Variants in KCNH1 observed in about 807,000 individuals in gnomAD.
The protein encoded by KCNH1 is potassium voltage-gated channel subfamily H member 1.
A neutral mutation model predicts 69.2 loss-of-function variants in KCNH1; 27 were observed. The ratio of observed to expected loss-of-function variants is 0.39; its 90% CI spans 0.29 to 0.54. The LOEUF is 0.54. KCNH1 is among the 20% of genes least tolerant of loss of function. KCNH1 has a pLI of 0.68. For synonymous variants in KCNH1, 456 were observed against 487.7 expected (o/e 0.93, Z 0.86); for missense variants, 798 against 1,261.6 (o/e 0.63, Z 5.57).
At chr1:210,729,043 A>G (rs943050576) in intron 10 of KCNH1, among the ~76,000 whole-genome samples, 2 of 152,230 alleles carry the variant, frequency 1.3e-5, no homozygotes, top group Non-Finnish European at 2.9e-5. Flanking sequence ...GTGGACTATA[A>G]TGTGGCTGAG....
chr1:211,019,592 T>C (rs1357868603), intron 5 of KCNH1, among the ~76,000 whole-genome samples: 1 of 152,222 alleles, frequency 6.6e-6, no homozygotes, highest in African/African-American at 2.4e-5. Context: ...CTTTGTTCTA[T>C]TAGCCAATTA....
At chr1:210,818,221 AT>A (rs1684858520) in intron 7 of KCNH1, among the ~76,000 whole-genome samples, 1 of 152,166 alleles carries the variant, frequency 6.6e-6, no homozygotes, top group African/African-American at 2.4e-5. Flanking sequence ...TTTATTCATG[AT>A]GATAAAAACT....
Position 210,684,100 on chromosome 1 carries a change from C to T in KCNH1, c.2151G>A (p.Glu717=), listed in dbSNP as rs775169571. ...FRKISDVKRE[E]EERMKRKNEA... is the part of the protein sequence containing the mutation. ...CATTCTTTCGTTTCATGCGTTCTTC[C>T]TCTTCACGTTTCACATCGCTGATCT... The change falls in exon 11 of 11, where the codon GAG becomes GAA. Residue 717 remains glutamate, a synonymous_variant. Transcript: ENST00000271751. 1 of 1,514,606 alleles carries T rather than the reference C, an allele frequency of 6.6e-7. No individual in the cohort carries two copies. The highest frequency in any genetic ancestry group is 8.8e-7 in the Non-Finnish European group (1 of 1,131,442). The allele number at this position is 1,514,606 out of a possible 1,614,324, so 93.8% of individuals were successfully genotyped here. A position where few individuals can be genotyped will look rare whatever the true frequency, so the allele number is the denominator to read the frequency against.
chr1:210,773,439 C>T (rs776075436), intron 10 of KCNH1, among the ~76,000 whole-genome samples: 2 of 152,206 alleles, frequency 1.3e-5, no homozygotes, highest in Non-Finnish European at 2.9e-5. Flanking sequence ...ACTAAGGCAC[C>T]AAGCCCTTGC....
chr1:210,769,959 ACTTTTT>A (rs1683719867), intron 10 of KCNH1, among the ~76,000 whole-genome samples: 1 of 152,150 alleles, frequency 6.6e-6, no homozygotes, highest in Middle Eastern at 3.2e-3. Context: ...GTAATGTGTC[ACTTTTT>A]CTTTTTGTTT....
chr1:211,033,727 A>G (rs1455317374), intron 5 of KCNH1, among the ~76,000 whole-genome samples: 1 of 152,040 alleles, frequency 6.6e-6, no homozygotes, highest in Admixed American at 6.5e-5. Flanking sequence ...GAACACATGG[A>G]CACAGGAAGG....
chr1:210,973,528 T>C (rs1574371409), intron 6 of KCNH1, among the ~76,000 whole-genome samples: 1 of 152,314 alleles, frequency 6.6e-6, no homozygotes, highest in East Asian at 1.9e-4. Context: ...TCACTTTTTT[T>C]CTTCTCAGAG....
At chr1:210,902,812 A>T (rs1687023597) in intron 7 of KCNH1, among the ~76,000 whole-genome samples, 1 of 152,054 alleles carries the variant, frequency 6.6e-6, no homozygotes, top group African/African-American at 2.4e-5. Context: ...TCAGACAATC[A>T]CTGTTTCTCC....
rs548337333 is a variant in KCNH1, at chr1:211,054,991, T to C, written c.558+27789A>G. On this transcript the variant is annotated intron_variant, in intron 5 of 10. Transcript: ENST00000271751. ...GAATAAGAACCATAAAAAGATTAGA[T>C]TGGAAGCCACATCAAGACAGTAGAA... 4.6e-5 allele frequency among the ~76,000 whole-genome samples: 7 copies of C among 152,172 alleles called. No homozygotes were observed. In the South Asian group the frequency reaches 1.5e-3, roughly 32 times the overall value.
chr1:211,090,495 C>G lies in KCNH1; in HGVS notation c.439+67G>C. On this transcript the variant is annotated intron_variant, in intron 4 of 10. Coordinates refer to ENST00000271751, the MANE Select transcript of KCNH1 (RefSeq NM_172362.3). ...GATTGCCTTGACAACCTTAAATGCT[C>G]TGTAACAAGAGCCACAATAAAGACA... The G allele has an allele frequency of 2.8e-6, 4 of 1,430,370 alleles. No individual in the cohort carries two copies. In the South Asian group the frequency reaches 4.0e-5, roughly 14 times the overall value. The allele number at this position is 1,430,370 out of a possible 1,614,324, so 88.6% of individuals were successfully genotyped here.
At position 210,713,494 on chromosome 1, in the gene KCNH1, TG is replaced by T. The variant is rs541653138; in HGVS notation, c.2113-29357del. On this transcript the variant is annotated intron_variant, in intron 10 of 10. Transcript: ENST00000271751. The stretch of plus-strand genomic sequence containing the variant: ...TAATTGCCAGGACTGTGGTAGGCTC[TG>T]GGGATAAAACAGACATCAAGATGTG... Among the ~76,000 whole-genome samples, 51 of 152,350 alleles carry T rather than the reference TG, an allele frequency of 3.3e-4. No individual in the cohort carries two copies. The South Asian group carries it at 0.011, about 32-fold the overall frequency.
Position 211,134,016 on chromosome 1 carries a change from G to A in KCNH1, c.-71C>T. The A allele has an allele frequency of 7.2e-7, 1 of 1,381,160 alleles. No homozygotes were observed. Among genetic ancestry groups the A allele is most frequent in the South Asian group, 1.2e-5 (1 of 84,004 alleles). 85.6% of individuals were successfully genotyped at this position (1,381,160 alleles called of 1,614,324 possible). A position where few individuals can be genotyped will look rare whatever the true frequency, so the allele number is the denominator to read the frequency against. On this transcript the variant is annotated 5_prime_UTR_variant, in exon 1 of 11. Coordinates refer to ENST00000271751, the MANE Select transcript of KCNH1 (RefSeq NM_172362.3). This position sits in a 1 kb window ranked among gnomAD's most constrained non-coding sequence, Gnocchi z 5.7. The stretch of plus-strand genomic sequence containing the variant: ...TACGACAGCAGGAAACTGGCCTCGG[G>A]GCCCGCACGCAGTCCCGGCTCGAAG...
intron 6 of KCNH1, among the ~76,000 whole-genome samples, chr1:210,920,544 A>G (rs1351548681): frequency 6.6e-6 from 1 of 152,178 alleles, no homozygotes; most frequent in Non-Finnish European, 1.5e-5. Flanking sequence ...TGGGAAATAC[A>G]CCAAAATATT....
At chr1:210,986,308 G>T (rs961731337) in intron 6 of KCNH1, among the ~76,000 whole-genome samples, 1 of 152,178 alleles carries the variant, frequency 6.6e-6, no homozygotes, top group African/African-American at 2.4e-5. Flanking sequence ...TGTTATGTGT[G>T]AATTTGATCC....
intron 10 of KCNH1, among the ~76,000 whole-genome samples, chr1:210,772,034 A>G (rs2102365636): frequency 6.6e-6 from 1 of 152,330 alleles, no homozygotes; most frequent in South Asian, 2.1e-4. Context: ...TTTAGGGAAA[A>G]AGGGATGTGG....
At chr1:211,007,643 C>A (rs912793519) in intron 6 of KCNH1, among the ~76,000 whole-genome samples, 7 of 152,146 alleles carry the variant, frequency 4.6e-5, no homozygotes, top group African/African-American at 1.7e-4. Context: ...GTTTCCTCAG[C>A]ACGTATGAGT....
chr1:211,035,246 T>C (rs1461288296), intron 5 of KCNH1, among the ~76,000 whole-genome samples: 3 of 65,590 alleles, frequency 4.6e-5, no homozygotes, highest in African/African-American at 1.1e-4. Flanking sequence ...CTTTTTTTTT[T>C]TTTTTTTTTT....
chr1:211,058,572 G>C (rs1452925837), intron 5 of KCNH1, among the ~76,000 whole-genome samples: 1 of 151,868 alleles, frequency 6.6e-6, no homozygotes, highest in African/African-American at 2.4e-5. Context: ...CAAGCCTCAT[G>C]GTAACTTCTA....
At chr1:210,931,006 C>T (rs569592706) in intron 6 of KCNH1, among the ~76,000 whole-genome samples, 1 of 152,128 alleles carries the variant, frequency 6.6e-6, no homozygotes, top group East Asian at 1.9e-4. Flanking sequence ...ATCAAAAAGT[C>T]AAAAATAATA....
Sources: allele counts gnomAD v4.1 joint callset (sites outside exome capture counted in the v4.1 genomes callset), GRCh38; gene constraint gnomAD v4.1.1; non-coding constraint Gnocchi (gnomAD v3.1); transcripts MANE v1.5; gene names NCBI Gene and HGNC (gene_info 2026-07-23, HGNC 2026-07-21).